DERA: variants seen among roughly 807,000 people sequenced by gnomAD.
DERA encodes 2-deoxy-D-ribose 5-phosphate aldolase.
DERA carries 15 observed loss-of-function variants against 41.1 expected under a neutral mutation model. The ratio of observed to expected loss-of-function variants is 0.37; its 90% CI spans 0.24 to 0.56. The LOEUF (loss-of-function observed/expected upper bound fraction) is 0.56. DERA is among the 20% of genes least tolerant of loss of function. DERA has a pLI of 0.81. For missense variants in DERA, 396 were observed against 403.4 expected (o/e 0.98, Z 0.16); for synonymous variants, 139 against 137.4 (o/e 1.01, Z -0.08).
Position 15,911,869 on chromosome 12 carries a change from A to AAAGTTGTCAGCC in DERA, c.31+456_31+467dup. 2.3e-6 allele frequency: 1 copy of AAAGTTGTCAGCC among 433,960 alleles called. No individual in the cohort carries two copies. Among genetic ancestry groups the AAAGTTGTCAGCC allele is most frequent in the Non-Finnish European group, 4.6e-6 (1 of 216,452 alleles). 26.9% of individuals were successfully genotyped at this position (433,960 alleles called of 1,614,324 possible). A position where few individuals can be genotyped will look rare whatever the true frequency, so the allele number is the denominator to read the frequency against. The stretch of plus-strand genomic sequence containing the variant: ...ACCTTGAAGTGGCCGTGCTCGTGGA[A>AAAGTTGTCAGCC]AAGTTGTCAGCCGTCTGTGCTCAAA... On this transcript the variant is annotated intron_variant, in intron 1 of 8. Transcript: ENST00000428559. This position sits in a 1 kb window ranked among gnomAD's most constrained non-coding sequence, Gnocchi z 4.5.
rs1948937185 is a variant in DERA at position 16,010,039 on chromosome 12, C to T, written c.638-22503C>T. Among the ~76,000 whole-genome samples, 1 of 152,088 alleles carries T rather than the reference C, an allele frequency of 6.6e-6. No homozygotes were observed. Among genetic ancestry groups the T allele is most frequent in the African/African-American group, 2.4e-5 (1 of 41,414 alleles). ...CCTCTGTATTAAGTGTGCAGTATAA[C>T]CTATTCATCTGAAATATACATGATT... is the stretch of plus-strand genomic sequence containing the variant. On this transcript the variant is annotated intron_variant, in intron 6 of 8. Transcript: ENST00000428559. The surrounding 1 kb of genome is among the most constrained non-coding windows in gnomAD (Gnocchi z 5.5).
rs1249561924 is a variant in DERA at position 16,012,116 on chromosome 12, A to C, written c.638-20426A>C. ...CTGCTGTGTATGCACTTTATAGAAAAGTACTAGCATAGAGTGGGTGCTCAG... is the reference window on the plus strand; with the variant it reads ...CTGCTGTGTATGCACTTTATAGAAACGTACTAGCATAGAGTGGGTGCTCAG... On this transcript the variant is annotated intron_variant, in intron 6 of 8. Transcript: ENST00000428559. The surrounding 1 kb of genome is among the most constrained non-coding windows in gnomAD (Gnocchi z 4.1). Among the ~76,000 whole-genome samples the C allele has an allele frequency of 1.3e-5, 2 of 152,216 alleles. No individual in the cohort carries two copies. Among genetic ancestry groups the C allele is most frequent in the African/African-American group, 4.8e-5 (2 of 41,466 alleles).
Position 16,036,130 on chromosome 12 carries a change from A to G in DERA, c.751-102A>G, listed in dbSNP as rs992412503. On this transcript the variant is annotated intron_variant, in intron 7 of 8. Transcript: ENST00000428559. The surrounding 1 kb of genome is among the most constrained non-coding windows in gnomAD (Gnocchi z 4.9). ...GAAGTGAAAAGATTTTTTTTCAACAAAAGAGGGAGAGAGAGAATCAAGACT... is the reference window on the plus strand; with the variant it reads ...GAAGTGAAAAGATTTTTTTTCAACAGAAGAGGGAGAGAGAGAATCAAGACT... The G allele has an allele frequency of 1.7e-5, 19 of 1,141,290 alleles. No homozygotes were observed. The highest frequency in any genetic ancestry group is 3.4e-6 in the Non-Finnish European group (3 of 873,814). The allele number at this position is 1,141,290 out of a possible 1,614,324, so 70.7% of individuals were successfully genotyped here. A position where few individuals can be genotyped will look rare whatever the true frequency, so the allele number is the denominator to read the frequency against.
intron 6 of DERA, among the ~76,000 whole-genome samples, chr12:16,029,913 C>CCTTTTTTTTTTT (rs1555160171): frequency 1.7e-5 from 1 of 59,688 alleles, no homozygotes; most frequent in Non-Finnish European, 2.9e-5. Flanking sequence ...TAGCCTTGGT[C>CCTTTTTTTTTTT]TTTTTTTTTT....
At chr12:15,914,407 AAAAAAG>A (rs1415716300) in intron 1 of DERA, among the ~76,000 whole-genome samples, 2 of 151,540 alleles carry the variant, frequency 1.3e-5, no homozygotes, top group East Asian at 1.9e-4. Context: ...AAAAAAAAAA[AAAAAAG>A]AAAAAGTCTG....
chr12:15,922,480 A>G lies in DERA; in HGVS notation c.31+11066A>G, dbSNP rs1469893694. 6.6e-6 allele frequency among the ~76,000 whole-genome samples: 1 copy of G among 152,202 alleles called. No homozygotes were observed. The highest frequency in any genetic ancestry group is 1.5e-5 in the Non-Finnish European group (1 of 68,022). On this transcript the variant is annotated intron_variant, in intron 1 of 8. Coordinates refer to ENST00000428559, the MANE Select transcript of DERA (RefSeq NM_015954.4). The surrounding 1 kb of genome is among the most constrained non-coding windows in gnomAD (Gnocchi z 4.9). The stretch of plus-strand genomic sequence containing the variant: ...CTGAGTGTTGCATTAAACTACTAAT[A>G]TAGAGAAATTTTGGGACACAGTGAT...
rs970171227 is a variant in DERA, at chr12:16,011,558, C to G, written c.638-20984C>G. Among the ~76,000 whole-genome samples the G allele has an allele frequency of 2.6e-5, 4 of 152,108 alleles. No individual in the cohort carries two copies. Among genetic ancestry groups the G allele is most frequent in the Non-Finnish European group, 1.5e-5 (1 of 68,018 alleles). Reference sequence around the variant, plus strand: ...TGCTTGTATTGAGGTTCCATTTCCCCCTTCCCTCTCAGCAAAAGTAAAAGA... The same window carrying G: ...TGCTTGTATTGAGGTTCCATTTCCCGCTTCCCTCTCAGCAAAAGTAAAAGA... On this transcript the variant is annotated intron_variant, in intron 6 of 8. Transcript: ENST00000428559. The surrounding 1 kb of genome is among the most constrained non-coding windows in gnomAD (Gnocchi z 4.7).
At position 15,992,686 on chromosome 12, in the gene DERA, ATACT is replaced by A. The variant is rs1948810179; in HGVS notation, c.637+10254_637+10257del. ...ATGATAGGACATAAGATAGGGAAAC[ATACT>A]TACAGAAAAGAGAAGTGTAAAGCAG... On this transcript the variant is annotated intron_variant, in intron 6 of 8. Transcript: ENST00000428559. This position sits in a 1 kb window ranked among gnomAD's most constrained non-coding sequence, Gnocchi z 4.3. Among the ~76,000 whole-genome samples, 1 of 152,210 alleles carries A rather than the reference ATACT, an allele frequency of 6.6e-6. No homozygotes were observed. The highest frequency in any genetic ancestry group is 6.5e-5 in the Admixed American group (1 of 15,278).
intron 6 of DERA, among the ~76,000 whole-genome samples, chr12:16,023,382 A>T (rs1485566476): frequency 6.6e-6 from 1 of 150,912 alleles, no homozygotes; most frequent in East Asian, 1.9e-4. Context: ...CCAAAGGCCC[A>T]TTTGTTTTTG....
intron 1 of DERA, among the ~76,000 whole-genome samples, chr12:15,917,173 C>T (rs1202011152): frequency 6.6e-6 from 1 of 152,056 alleles, no homozygotes; most frequent in Non-Finnish European, 1.5e-5. Flanking sequence ...TAAATTTTGC[C>T]TTTAAGTTAA....
Position 16,014,960 on chromosome 12 carries a change from T to A in DERA, c.638-17582T>A, listed in dbSNP as rs1948971391. Among the ~76,000 whole-genome samples the A allele has an allele frequency of 1.3e-5, 2 of 152,196 alleles. No homozygotes were observed. Among genetic ancestry groups the A allele is most frequent in the African/African-American group, 4.8e-5 (2 of 41,452 alleles). On this transcript the variant is annotated intron_variant, in intron 6 of 8. Coordinates refer to ENST00000428559, the MANE Select transcript of DERA (RefSeq NM_015954.4). The surrounding 1 kb of genome is among the most constrained non-coding windows in gnomAD (Gnocchi z 5.4). ...TTGACTGCCCTCCTGGATTTCAGAC[T>A]TGCATGGGGCCTGTAGCCACTTCAT...
At chr12:15,980,408 C>T (rs1305484359) in intron 5 of DERA, among the ~76,000 whole-genome samples, 1 of 152,154 alleles carries the variant, frequency 6.6e-6, no homozygotes, top group African/African-American at 2.4e-5. Flanking sequence ...CTTGGATTAG[C>T]GTTCTTGGAT....
rs755669794 is a variant in DERA, at chr12:15,992,010, G to A, written c.637+9574G>A. On this transcript the variant is annotated intron_variant, in intron 6 of 8. Transcript: ENST00000428559. This position sits in a 1 kb window ranked among gnomAD's most constrained non-coding sequence, Gnocchi z 4.3. Reference sequence around the variant, plus strand: ...ATCATGCTGTTATACTCTTAGGACAGTTGCAAATACCAGTAGCATTTGTAA... The same window carrying A: ...ATCATGCTGTTATACTCTTAGGACAATTGCAAATACCAGTAGCATTTGTAA... Among the ~76,000 whole-genome samples the A allele has an allele frequency of 6.6e-6, 1 of 151,498 alleles. No homozygotes were observed. The highest frequency in any genetic ancestry group is 1.5e-5 in the Non-Finnish European group (1 of 67,920).
chr12:16,029,223 G>A (rs534265234), intron 6 of DERA, among the ~76,000 whole-genome samples: 5 of 152,166 alleles, frequency 3.3e-5, no homozygotes, highest in Admixed American at 1.3e-4. Flanking sequence ...TCACGAGGTC[G>A]GGAGATAGAG....
intron 6 of DERA, among the ~76,000 whole-genome samples, chr12:16,025,554 C>T (rs937494137): frequency 1.3e-5 from 2 of 151,796 alleles, no homozygotes; most frequent in African/African-American, 4.8e-5. Context: ...AAATATGAGG[C>T]AAAAATTTTA....
At chr12:15,963,112 C>G (rs142317165) in intron 5 of DERA, among the ~76,000 whole-genome samples, 165 bp downstream of exon 5, 3 of 152,146 alleles carry the variant, frequency 2.0e-5, no homozygotes, top group Admixed American at 1.3e-4. Flanking sequence ...ATCCTTGTGC[C>G]CCTCATAAAT....
intron 1 of DERA, among the ~76,000 whole-genome samples, chr12:15,925,560 T>C (rs1232176605): frequency 1.3e-5 from 2 of 152,106 alleles, no homozygotes; most frequent in Non-Finnish European, 2.9e-5. Flanking sequence ...TTAAAAAATG[T>C]TTTTGCCTAA....
In DERA at chr12:15,965,025, G is replaced by T. The variant is rs1476471567; in HGVS notation, c.508+2078G>T. On this transcript the variant is annotated intron_variant, in intron 5 of 8. Coordinates refer to ENST00000428559, the MANE Select transcript of DERA (RefSeq NM_015954.4). The surrounding 1 kb of genome is among the most constrained non-coding windows in gnomAD (Gnocchi z 4.1). Reference sequence around the variant, plus strand: ...AATTGAAAAGGAACATTTAATACTAGAAATTTAATTCTAAATAGAAACCTG... The same window carrying T: ...AATTGAAAAGGAACATTTAATACTATAAATTTAATTCTAAATAGAAACCTG... 6.6e-6 allele frequency among the ~76,000 whole-genome samples: 1 copy of T among 152,118 alleles called. No homozygotes were observed. The highest frequency in any genetic ancestry group is 1.5e-5 in the Non-Finnish European group (1 of 68,028).
chr12:15,961,641 A>T (rs1948588610), intron 4 of DERA, among the ~76,000 whole-genome samples: 2 of 152,246 alleles, frequency 1.3e-5, no homozygotes, highest in Admixed American at 1.3e-4. Context: ...TGGCAGCTAC[A>T]CTTGTATAGA....
Sources: gnomAD v4.1 joint callset for allele counts (sites outside exome capture counted in the v4.1 genomes callset) on GRCh38, gnomAD v4.1.1 for gene constraint, Gnocchi (gnomAD v3.1) non-coding constraint, MANE v1.5 for transcripts, NCBI Gene and HGNC (gene_info 2026-07-23, HGNC 2026-07-21) for gene names.